Variants in DNAH11 observed in about 807,000 individuals in gnomAD.
DNAH11 encodes the protein dynein axonemal heavy chain 11.
DNAH11 carries 442 observed loss-of-function variants against 526.0 expected under a neutral mutation model. The ratio of observed to expected loss-of-function variants is 0.84; its 90% CI spans 0.78 to 0.91. The LOEUF (loss-of-function observed/expected upper bound fraction) is 0.91. Ranked by LOEUF, DNAH11 falls within the 40% of genes least tolerant of loss-of-function variation. DNAH11 has a pLI of 0.00. For missense variants in DNAH11, 6,989 were observed against 5,448.7 expected (o/e 1.28, Z -8.90); for synonymous variants, 2,461 against 1,935.9 (o/e 1.27, Z -7.12).
At position 21,892,360 on chromosome 7, in the gene DNAH11, T is replaced by C. The variant is rs1338440510; in HGVS notation, c.12508-65T>C. The stretch of plus-strand genomic sequence containing the variant: ...TTCTTGTCAGGGTCTTCTCGAAGTG[T>C]TGAGGAAGTGAAAATGGATGCCTAC... On this transcript the variant is annotated intron_variant, in intron 76 of 81. Coordinates refer to ENST00000409508, the MANE Select transcript of DNAH11 (RefSeq NM_001277115.2). The C allele has an allele frequency of 3.9e-6, 6 of 1,556,262 alleles. No individual in the cohort carries two copies. The African/African-American group carries it at 5.4e-5, about 14-fold the overall frequency.
rs1784725850 is a variant in DNAH11 at position 21,717,907 on chromosome 7, T to C, written c.7116T>C (p.Pro2372=). ...GCTTTAAAACCATCACTTCAATTCC[T>C]GAGAGTAGCCTGGTGCAGGTTTGTC... ...RTSFKTITSI[P]ESSLVQTLCV... is the part of the protein sequence containing the mutation. Residue 2372 remains proline, a synonymous_variant, in exon 43 of 82, where the codon CCT becomes CCC. Transcript: ENST00000409508. The C allele has an allele frequency of 1.2e-6, 2 of 1,613,346 alleles. No homozygotes were observed. Among genetic ancestry groups the C allele is most frequent in the African/African-American group, 1.3e-5 (1 of 74,902 alleles).
chr7:21,825,970 A>G (rs573528519), intron 65 of DNAH11, among the ~76,000 whole-genome samples: 11 of 152,132 alleles, frequency 7.2e-5, no homozygotes, highest in African/African-American at 2.6e-4. Context: ...AAAAAAAAAA[A>G]AAAAAAGTGT....
At chr7:21,629,442 TCTG>T (rs1786497052) in intron 25 of DNAH11, among the ~76,000 whole-genome samples, 6 of 152,108 alleles carry the variant, frequency 3.9e-5, no homozygotes, top group Admixed American at 3.9e-4. Context: ...GTAGTTTAAG[TCTG>T]ATGTTTCTTT....
At chr7:21,657,595 A>G in intron 29 of DNAH11, among the ~76,000 whole-genome samples, 1 of 152,182 alleles carries the variant, frequency 6.6e-6, no homozygotes, top group Non-Finnish European at 1.5e-5. Flanking sequence ...ATCCCAGGGT[A>G]TCCAGGAGAC....
At chr7:21,880,561 C>T (rs1405483252) in intron 74 of DNAH11, 141 bp from the exon 75 acceptor site, 3 of 792,928 alleles carry the variant, frequency 3.8e-6, no homozygotes, top group South Asian at 1.8e-5. Context: ...TTAAGCTTCT[C>T]ATTGGATAAG....
intron 66 of DNAH11, among the ~76,000 whole-genome samples, chr7:21,843,719 T>A (rs1236064666): frequency 6.6e-6 from 1 of 152,056 alleles, no homozygotes; most frequent in Non-Finnish European, 1.5e-5. Flanking sequence ...CACCTTGTGA[T>A]CCTCCAGCCT....
At chr7:21,756,920 G>A (rs749234368) in intron 54 of DNAH11, among the ~76,000 whole-genome samples, 6 of 152,114 alleles carry the variant, frequency 3.9e-5, no homozygotes, top group Non-Finnish European at 7.4e-5. Flanking sequence ...CTTTGAAAAA[G>A]CAGTTAATTA....
chr7:21,624,051 C>G (rs758857912), intron 25 of DNAH11, among the ~76,000 whole-genome samples: 7 of 151,864 alleles, frequency 4.6e-5, no homozygotes, highest in Non-Finnish European at 8.8e-5. Flanking sequence ...GGGCAGAGCC[C>G]TCATGGTACC....
At position 21,637,645 on chromosome 7, in the gene DNAH11, T is replaced by G. The variant is rs758562003; in HGVS notation, c.4760T>G (p.Val1587Gly). Residue 1587 changes from valine to glycine, a missense_variant, in exon 27 of 82, where the codon GTG becomes GGG. Physicochemically the swap from Val to Gly is moderately radical, Grantham distance 109. Coordinates refer to ENST00000409508, the MANE Select transcript of DNAH11 (RefSeq NM_001277115.2). ...TTCAAGACAGCCAAAGTAGAAAATG[T>G]GTTAGAAGCAACGTGCAGACCTAAT... is the stretch of plus-strand genomic sequence containing the variant. The part of the protein sequence containing the change: ...LMFKTAKVEN[V>G]LEATCRPNLY... The G allele has an allele frequency of 6.3e-7, 1 of 1,590,108 alleles. No individual in the cohort carries two copies.
rs747361665 is a variant in DNAH11 at position 21,658,878 on chromosome 7, C to T, written c.5175C>T (p.Tyr1725=). 19 of 1,608,602 alleles carry T rather than the reference C, an allele frequency of 1.2e-5. No individual in the cohort carries two copies. The highest frequency in any genetic ancestry group is 3.3e-5 in the South Asian group (3 of 89,836). ...RHSITEAIVA[Y]EEKPRELWIF... is the part of the protein sequence containing the mutation. ...CTATAACAGAAGCCATAGTGGCCTA[C>T]GAGGAAAAACCTAGGGAACTGTGGA... Residue 1725 remains tyrosine (Y), a synonymous_variant, in exon 30 of 82, where the codon TAC becomes TAT. Coordinates refer to ENST00000409508, the MANE Select transcript of DNAH11 (RefSeq NM_001277115.2).
In DNAH11 at chr7:21,698,130, G is replaced by C. The variant is rs1257786764; in HGVS notation, c.6097G>C (p.Ala2033Pro). 6.2e-7 allele frequency: 1 copy of C among 1,613,500 alleles called. No individual in the cohort carries two copies. The highest frequency in any genetic ancestry group is 2.2e-5 in the East Asian group (1 of 44,880). The change falls in exon 36 of 82, where the codon GCT (alanine) becomes CCT (proline). Residue 2033 changes from alanine to proline, a missense_variant. By Grantham distance (27) the Ala-to-Pro change is conservative. Transcript: ENST00000409508. ...GCTAATCTGTGAAATCTTGTTAGTT[G>C]CTGAAGGTTTTGTGGATGCGCGTGC... Reference protein sequence around the residue: ...IELICEILLVAEGFVDARALA... With the variant: ...IELICEILLVPEGFVDARALA...
At chr7:21,548,643 G>C (rs1168222394) in intron 2 of DNAH11, among the ~76,000 whole-genome samples, 1 of 152,282 alleles carries the variant, frequency 6.6e-6, no homozygotes. Flanking sequence ...GGTTACAGAG[G>C]TTCCTTTTCC....
chr7:21,609,246 C>T (rs1421396236), intron 20 of DNAH11, among the ~76,000 whole-genome samples: 4 of 151,984 alleles, frequency 2.6e-5, no homozygotes, highest in South Asian at 2.1e-4. Context: ...GACAGAGTCT[C>T]GCTCTGTCAC....
intron 20 of DNAH11, among the ~76,000 whole-genome samples, chr7:21,609,513 C>T (rs778090629): frequency 1.3e-5 from 2 of 152,108 alleles, no homozygotes; most frequent in Non-Finnish European, 2.9e-5. Flanking sequence ...AGCCACTGTG[C>T]CCGGCCATAA....
chr7:21,701,914 G>A (rs941060111), intron 36 of DNAH11, among the ~76,000 whole-genome samples: 4 of 151,400 alleles, frequency 2.6e-5, no homozygotes, highest in African/African-American at 9.8e-5. Context: ...TTACTGTGTG[G>A]GTTGTAGCTG....
intron 76 of DNAH11, among the ~76,000 whole-genome samples, chr7:21,887,297 C>G (rs1041707949): frequency 6.6e-6 from 1 of 152,188 alleles, no homozygotes; most frequent in Non-Finnish European, 1.5e-5. Flanking sequence ...TTTAGAGGGT[C>G]TCTGGCCAAA....
chr7:21,809,037 G>A (rs1330946164), intron 63 of DNAH11, among the ~76,000 whole-genome samples: 1 of 152,020 alleles, frequency 6.6e-6, no homozygotes, highest in Non-Finnish European at 1.5e-5. Context: ...ATCCTCACCA[G>A]CATTTGATAT....
intron 8 of DNAH11, among the ~76,000 whole-genome samples, chr7:21,577,257 T>C (rs1369701282): frequency 6.6e-6 from 1 of 152,212 alleles, no homozygotes; most frequent in Non-Finnish European, 1.5e-5. Flanking sequence ...CTGTCCACTC[T>C]AGCCAAACAC....
In DNAH11 at chr7:21,742,040, C is replaced by T; in HGVS notation, c.8028C>T (p.Leu2676=). Residue 2676 remains leucine, a synonymous_variant, in exon 49 of 82, where the codon CTC becomes CTT. Coordinates refer to ENST00000409508, the MANE Select transcript of DNAH11 (RefSeq NM_001277115.2). ...FQQQAFAPSI[L]RSGPTLIQAT... ...AGCAAGCATTTGCTCCATCAATTCT[C>T]AGGAGTGGCCCCACTTTGATCCAGG... The T allele has an allele frequency of 1.2e-6, 2 of 1,613,950 alleles. No individual in the cohort carries two copies. Among genetic ancestry groups the T allele is most frequent in the Admixed American group, 3.3e-5 (2 of 60,014 alleles).
Sources: gnomAD v4.1 joint callset for allele counts (sites outside exome capture counted in the v4.1 genomes callset) on GRCh38, gnomAD v4.1.1 for gene constraint, MANE v1.5 for transcripts, NCBI Gene and HGNC (gene_info 2026-07-23, HGNC 2026-07-21) for gene names.